COL11A1: variants seen among roughly 807,000 people sequenced by gnomAD.
COL11A1 encodes collagen type XI alpha 1 chain, also known as collagen alpha-1(XI) chain.
COL11A1 carries 74 observed loss-of-function variants against 265.2 expected under a neutral mutation model. The observed-to-expected ratio is 0.28, with a 90% CI of 0.23 to 0.34. COL11A1 has a LOEUF of 0.34. COL11A1 is among the 10% of genes least tolerant of loss of function. The probability of loss-of-function intolerance (pLI) is 1.00; values close to 1 mark genes in which losing one functional copy is unlikely to be tolerated. For synonymous variants in COL11A1, 816 were observed against 727.6 expected, an observed-to-expected ratio of 1.12 and a Z score of -1.96; for missense variants, 2,165 against 2,263.6, an observed-to-expected ratio of 0.96 and a Z score of 0.88.
rs145253279 is a variant in COL11A1 at position 102,935,074 on chromosome 1, C to T, written c.3478G>A (p.Ala1160Thr). ...GGAATACTCACAGCAATTCCAGGGG[C>T]ACCAACTGGTCCTTGAAGACCTGGG... ...GPPGLQGPVGAPGIAGGDGEP... is the reference protein window; with the variant it reads ...GPPGLQGPVGTPGIAGGDGEP... Residue 1160 changes from alanine (A) to threonine (T), a missense_variant, in exon 45 of 67, where the codon GCC (alanine) becomes ACC (threonine). By Grantham distance (58) the Ala-to-Thr change is moderately conservative. Transcript: ENST00000370096. 1.2e-6 allele frequency: 2 copies of T among 1,614,056 alleles called. No homozygotes were observed. The highest frequency in any genetic ancestry group is 1.7e-6 in the Non-Finnish European group (2 of 1,179,974).
intron 4 of COL11A1, among the ~76,000 whole-genome samples, chr1:103,059,736 A>C (rs1184751063): frequency 6.6e-6 from 1 of 152,210 alleles, no homozygotes; most frequent in Admixed American, 6.5e-5. Flanking sequence ...TGAAGCATAC[A>C]TTTGATGGGC....
chr1:103,031,818 TA>T (rs1187149208), intron 4 of COL11A1, among the ~76,000 whole-genome samples: 1 of 148,982 alleles, frequency 6.7e-6, no homozygotes, highest in African/African-American at 2.5e-5. Flanking sequence ...AGATTAAAAA[TA>T]AAAAAAGCAT....
intron 31 of COL11A1, among the ~76,000 whole-genome samples, chr1:102,980,694 A>T (rs776085063): frequency 1.3e-5 from 2 of 152,060 alleles, no homozygotes; most frequent in Non-Finnish European, 2.9e-5. Context: ...ATACCCCTAA[A>T]AATAATGTTT....
At chr1:103,031,085 C>T (rs369970733) in intron 5 of COL11A1, 31 bp downstream of exon 5, 121 of 1,611,732 alleles carry the variant, frequency 7.5e-5, no homozygotes, top group Middle Eastern at 3.3e-4. Flanking sequence ...CACTGAAATA[C>T]GAAGACCTTC....
chr1:102,894,790 T>G (rs1652208134), intron 57 of COL11A1, among the ~76,000 whole-genome samples: 1 of 152,168 alleles, frequency 6.6e-6, no homozygotes, highest in Non-Finnish European at 1.5e-5. Flanking sequence ...TCTTTTTTAT[T>G]TTTGAAACAG....
chr1:103,008,822 T>C (rs1386709678), intron 14 of COL11A1, among the ~76,000 whole-genome samples: 1 of 152,188 alleles, frequency 6.6e-6, no homozygotes, highest in Non-Finnish European at 1.5e-5. Flanking sequence ...ACTCATATGA[T>C]GACACACAAA....
In COL11A1 at chr1:102,891,300, G is replaced by A. The variant is rs183445255; in HGVS notation, c.4303-796C>T. On this transcript the variant is annotated intron_variant, in intron 57 of 66. Transcript: ENST00000370096. ...ATTTCTCTAAGCTAAAGTATAAGACGTTACAAACTACATCAAGATGGTACT... is the reference window on the plus strand; with the variant it reads ...ATTTCTCTAAGCTAAAGTATAAGACATTACAAACTACATCAAGATGGTACT... Among the ~76,000 whole-genome samples, 25 of 152,052 alleles carry A rather than the reference G, an allele frequency of 1.6e-4. No individual in the cohort carries two copies. In the East Asian group the frequency reaches 1.9e-3, roughly 12 times the overall value.
intron 11 of COL11A1, among the ~76,000 whole-genome samples, chr1:103,016,543 A>G (rs1423633268): frequency 6.6e-6 from 1 of 151,994 alleles, no homozygotes; most frequent in African/African-American, 2.4e-5. Flanking sequence ...CTACATAGCC[A>G]TGTCATACTT....
At chr1:103,080,015 G>T (rs1454609300) in intron 2 of COL11A1, among the ~76,000 whole-genome samples, 1 of 151,790 alleles carries the variant, frequency 6.6e-6, no homozygotes, top group Non-Finnish European at 1.5e-5. Flanking sequence ...AATCACCAAA[G>T]TACTATTTAT....
At chr1:102,969,001 T>G (rs1395505228) in intron 37 of COL11A1, among the ~76,000 whole-genome samples, 3 of 152,214 alleles carry the variant, frequency 2.0e-5, no homozygotes, top group Non-Finnish European at 2.9e-5. Flanking sequence ...ATGATTTGGC[T>G]GAAAGATTTG....
In COL11A1 at chr1:103,022,741, C is replaced by T. The variant is rs766849561; in HGVS notation, c.1245+1G>A. 3.8e-5 allele frequency: 61 copies of T among 1,613,376 alleles called. No homozygotes were observed. Among genetic ancestry groups the T allele is most frequent in the East Asian group, 1.3e-4 (6 of 44,858 alleles). ...TGACACAGTGCATAGTATCAACTTA[C>T]GCTTGTTTCTGTAATATCAGTTTCT... On this transcript the variant is annotated splice_donor_variant, in intron 8 of 66. Coordinates refer to ENST00000370096, the MANE Select transcript of COL11A1 (RefSeq NM_001854.4). LOFTEE classifies it high-confidence loss of function.
chr1:103,021,840 T>C (rs1220147175), intron 8 of COL11A1, 71 bp from the exon 9 acceptor site: 16 of 793,940 alleles, frequency 2.0e-5, no homozygotes, highest in South Asian at 1.1e-4. Context: ...CTTTTCTTCT[T>C]TTTTTTTTTC....
chr1:102,982,471 GCTT>G (rs879943206), intron 31 of COL11A1, among the ~76,000 whole-genome samples: 61 of 152,132 alleles, frequency 4.0e-4, no homozygotes, highest in Non-Finnish European at 5.9e-4. Context: ...GCAGTGAATG[GCTT>G]CTTTTACTGA....
At chr1:103,088,715 C>T (rs1011392128) in intron 1 of COL11A1, among the ~76,000 whole-genome samples, 1 of 152,106 alleles carries the variant, frequency 6.6e-6, no homozygotes, top group Non-Finnish European at 1.5e-5. Context: ...AGCTGAGTCC[C>T]TAGGGATAAA....
At chr1:102,894,004 GATA>G (rs1174058362) in intron 57 of COL11A1, among the ~76,000 whole-genome samples, 1 of 152,076 alleles carries the variant, frequency 6.6e-6, no homozygotes, top group African/African-American at 2.4e-5. Context: ...AGAAATGTGT[GATA>G]ATACTAAATA....
rs778143562 is a variant in COL11A1, at chr1:103,025,779, T to C, written c.898-166A>G. 1.3e-5 allele frequency: 21 copies of C among 1,612,154 alleles called. No homozygotes were observed. In the Admixed American group the frequency reaches 2.3e-4, roughly 18 times the overall value. On this transcript the variant is annotated intron_variant, in intron 6 of 66. Transcript: ENST00000370096. Reference sequence around the variant, plus strand: ...CTTCCAGCTTATCTAGGATAGATCTTGATTGCTTTTTCTTCGCTACCTTTA... The same window carrying C: ...CTTCCAGCTTATCTAGGATAGATCTCGATTGCTTTTTCTTCGCTACCTTTA...
At chr1:102,902,942 A>G (rs1407889815) in intron 54 of COL11A1, among the ~76,000 whole-genome samples, 2 of 151,840 alleles carry the variant, frequency 1.3e-5, no homozygotes, top group Non-Finnish European at 2.9e-5. Context: ...TTCATCTGTC[A>G]TTATAACCAG....
intron 51 of COL11A1, 128 bp downstream of exon 51, chr1:102,914,576 A>G (rs993376188): frequency 4.2e-6 from 4 of 962,850 alleles, no homozygotes; most frequent in African/African-American, 3.3e-5. Context: ...GCTTACGAAT[A>G]TATGAAATGA....
chr1:103,022,802 G>A lies in COL11A1; in HGVS notation c.1185C>T (p.Ser395=). The change falls in exon 8 of 67, where the codon AGC becomes AGT. Residue 395 remains serine, a synonymous_variant. Coordinates refer to ENST00000370096, the MANE Select transcript of COL11A1 (RefSeq NM_001854.4). ...EYKEYEDKPT[S]PPNEEFGPGV... ...CTGGACCAAATTCTTCATTAGGGGG[G>A]CTTGTTGGTTTATCTTCATATTCTT... 1 of 1,613,646 alleles carries A rather than the reference G, an allele frequency of 6.2e-7. No individual in the cohort carries two copies. Among genetic ancestry groups the A allele is most frequent in the Non-Finnish European group, 8.5e-7 (1 of 1,179,922 alleles).
Sources: gnomAD v4.1 joint callset for allele counts (sites outside exome capture counted in the v4.1 genomes callset) on GRCh38, gnomAD v4.1.1 for gene constraint, MANE v1.5 for transcripts, NCBI Gene and HGNC (gene_info 2026-07-23, HGNC 2026-07-21) for gene names.